Variants in MSANTD3 observed in about 807,000 individuals in gnomAD.
MSANTD3 encodes the protein Myb/SANT DNA binding domain containing 3, also known as myb/SANT-like DNA-binding domain-containing protein 3.
Under a neutral mutation model 27.7 loss-of-function variants are expected in MSANTD3, and 11 were observed. That is an observed-to-expected ratio of 0.40 (90% CI 0.25 to 0.66). The LOEUF (loss-of-function observed/expected upper bound fraction) is 0.66. Among genes scored for constraint, MSANTD3 ranks in the 30% least tolerant of loss-of-function variants. MSANTD3 has a pLI of 0.41. For synonymous variants in MSANTD3, 131 were observed against 127.2 expected (o/e 1.03, Z -0.20); for missense variants, 250 against 336.5 (o/e 0.74, Z 2.01).
chr9:100,443,478 C>T (rs1248194225), intron 2 of MSANTD3, among the ~76,000 whole-genome samples: 2 of 151,968 alleles, frequency 1.3e-5, no homozygotes, highest in Non-Finnish European at 2.9e-5. Context: ...TTAGCATTCA[C>T]CCAGATTAAA....
chr9:100,429,762 G>C (rs1836327141), intron 1 of MSANTD3: 1 of 152,208 alleles, frequency 6.6e-6, no homozygotes, highest in Non-Finnish European at 1.5e-5. Flanking sequence ...GAGTGCAGTG[G>C]CATGATCTCG....
Position 100,450,746 on chromosome 9 carries a change from A to T in MSANTD3, c.608A>T (p.Gln203Leu). The T allele has an allele frequency of 6.2e-7, 1 of 1,614,118 alleles. No homozygotes were observed. Among genetic ancestry groups the T allele is most frequent in the Non-Finnish European group, 8.5e-7 (1 of 1,179,992 alleles). The stretch of plus-strand genomic sequence containing the variant: ...AAGATGCATGAGGAAGAACACCATC[A>T]ACAAATGTCCATCTTACAACTGCAA... ...LKKMHEEEHH[Q>L]QMSILQLQLI... The change falls in exon 3 of 3, where the codon CAA becomes CTA. Residue 203 changes from glutamine (Q) to leucine (L), a missense_variant. By Grantham distance (113) the Gln-to-Leu change is moderately radical. This residue lies in a region of MSANTD3 where 235 missense variants were observed against 299.3 expected (regional missense o/e 0.79). Coordinates refer to ENST00000395067, the MANE Select transcript of MSANTD3 (RefSeq NM_080655.3).
In MSANTD3 at chr9:100,442,265, G is replaced by A; in HGVS notation, c.327G>A (p.Glu109=). ...PLLSTHVLGK[E]KIASMLPEQL... ...TGAGTACCCACGTCCTAGGGAAGGA[G>A]AAGATCGCCAGCATGCTGCCGGAGC... Residue 109 remains glutamate (E), a synonymous_variant, in exon 2 of 3, where the codon GAG becomes GAA. Coordinates refer to ENST00000395067, the MANE Select transcript of MSANTD3 (RefSeq NM_080655.3). 1.2e-6 allele frequency: 2 copies of A among 1,614,174 alleles called. No homozygotes were observed. Among genetic ancestry groups the A allele is most frequent in the Middle Eastern group, 1.6e-4 (1 of 6,062 alleles).
intron 2 of MSANTD3, chr9:100,448,568 T>A: frequency 1.0e-6 from 1 of 985,400 alleles, no homozygotes; most frequent in Non-Finnish European, 1.2e-6. Flanking sequence ...CCACTGCACG[T>A]AATTCACCCC....
chr9:100,449,529 A>C (rs1282682946), intron 2 of MSANTD3, among the ~76,000 whole-genome samples: 2 of 152,208 alleles, frequency 1.3e-5, no homozygotes, highest in African/African-American at 2.4e-5. Context: ...GTGAGGTTAA[A>C]AAAGCGAGAC....
rs780442275 is a variant in MSANTD3, at chr9:100,442,338, C to CCCGT, written c.403_404insTCCG (p.Asp135ValfsTer14). 6.2e-7 allele frequency: 1 copy of CCCGT among 1,612,336 alleles called. No individual in the cohort carries two copies. Among genetic ancestry groups the CCCGT allele is most frequent in the South Asian group, 1.1e-5 (1 of 91,060 alleles). ...CCCGGAGGAGGAGCCCGAATACCAC[C>CCCGT]CCGACGCCTCAGCCCAAGGTATCCG... is the stretch of plus-strand genomic sequence containing the variant. On this transcript the variant is annotated frameshift_variant, in exon 2 of 3. Coordinates refer to ENST00000395067, the MANE Select transcript of MSANTD3 (RefSeq NM_080655.3). LOFTEE classifies it high-confidence loss of function.
chr9:100,445,578 T>C (rs1270758949), intron 2 of MSANTD3, among the ~76,000 whole-genome samples: 1 of 152,228 alleles, frequency 6.6e-6, no homozygotes, highest in Non-Finnish European at 1.5e-5. Flanking sequence ...CTAATGTTGC[T>C]CTGAGGATAT....
At chr9:100,448,915 G>A in intron 2 of MSANTD3, 1 of 984,946 alleles carries the variant, frequency 1.0e-6, no homozygotes, top group African/African-American at 1.7e-5. Flanking sequence ...GACTAGTTAT[G>A]ATTGTTACTT....
intron 1 of MSANTD3, among the ~76,000 whole-genome samples, chr9:100,434,396 G>A (rs1836432131): frequency 6.6e-6 from 1 of 152,124 alleles, no homozygotes; most frequent in Admixed American, 6.6e-5. Context: ...TGAGTGTGGT[G>A]ATGGGTGCCT....
intron 2 of MSANTD3, chr9:100,444,974 T>G (rs1836719298): frequency 4.0e-6 from 2 of 499,416 alleles, no homozygotes; most frequent in South Asian, 3.9e-5. Context: ...TTTTTGCTGG[T>G]GATTATTAAA....
intron 1 of MSANTD3, among the ~76,000 whole-genome samples, chr9:100,440,644 G>A (rs1836592809): frequency 6.7e-6 from 1 of 148,346 alleles, no homozygotes; most frequent in Non-Finnish European, 1.5e-5. Context: ...AGGCTGGAGT[G>A]CGGTGGTGCA....
At position 100,427,221 on chromosome 9, in the gene MSANTD3, C is replaced by T. The variant is rs1836263867; in HGVS notation, c.-206C>T. ...GCGTCCGGGCTTTGTGGCCGCGGCGCGCGCGGCGGGGCCTGGCCGGCCGGG... is the reference window on the plus strand; with the variant it reads ...GCGTCCGGGCTTTGTGGCCGCGGCGTGCGCGGCGGGGCCTGGCCGGCCGGG... On this transcript the variant is annotated 5_prime_UTR_variant, in exon 1 of 3. Transcript: ENST00000395067. 1 of 145,666 alleles carries T rather than the reference C, an allele frequency of 6.9e-6. No individual in the cohort carries two copies. Among genetic ancestry groups the T allele is most frequent in the African/African-American group, 2.5e-5 (1 of 40,722 alleles). The allele number at this position is 145,666 out of a possible 1,614,324, so 9.0% of individuals were successfully genotyped here. A position where few individuals can be genotyped will look rare whatever the true frequency, so the allele number is the denominator to read the frequency against.
intron 2 of MSANTD3, among the ~76,000 whole-genome samples, chr9:100,443,472 C>T (rs899472410): frequency 6.6e-6 from 1 of 151,938 alleles, no homozygotes; most frequent in Non-Finnish European, 1.5e-5. Flanking sequence ...CCTGTTTTAG[C>T]ATTCACCCAG....
At position 100,441,974 on chromosome 9, in the gene MSANTD3, C is replaced by T; in HGVS notation, c.36C>T (p.Tyr12=). The T allele has an allele frequency of 6.2e-7, 1 of 1,613,300 alleles. No homozygotes were observed. Among genetic ancestry groups the T allele is most frequent in the Non-Finnish European group, 8.5e-7 (1 of 1,179,484 alleles). ...QNNEIIKPAK[Y]FSELEKSILL... Reference sequence around the variant, plus strand: ...ACGAAATTATAAAGCCTGCCAAATACTTCTCAGAATTGGAAAAGAGCATCC... The same window carrying T: ...ACGAAATTATAAAGCCTGCCAAATATTTCTCAGAATTGGAAAAGAGCATCC... The change falls in exon 2 of 3, where the codon TAC becomes TAT. Residue 12 remains tyrosine, a synonymous_variant. Transcript: ENST00000395067.
At chr9:100,439,023 A>G (rs920192441) in intron 1 of MSANTD3, among the ~76,000 whole-genome samples, 3 of 152,180 alleles carry the variant, frequency 2.0e-5, no homozygotes, top group African/African-American at 7.2e-5. Context: ...CGAACCTCCC[A>G]GTGTCTGATA....
intron 2 of MSANTD3, among the ~76,000 whole-genome samples, chr9:100,447,067 C>T (rs979195833): frequency 5.3e-5 from 8 of 151,928 alleles, no homozygotes; most frequent in African/African-American, 1.9e-4. Flanking sequence ...AAAGAAAAGC[C>T]CCTTGGCTTT....
chr9:100,438,925 G>A (rs1343012634), intron 1 of MSANTD3, among the ~76,000 whole-genome samples: 1 of 152,144 alleles, frequency 6.6e-6, no homozygotes, highest in Non-Finnish European at 1.5e-5. Context: ...TGGGAATTTA[G>A]CATTATAGGG....
intron 1 of MSANTD3, among the ~76,000 whole-genome samples, chr9:100,438,002 T>C (rs1472377542): frequency 6.6e-6 from 1 of 152,204 alleles, no homozygotes; most frequent in Admixed American, 6.5e-5. Context: ...TGGCCACATG[T>C]AGGGCAAGAA....
At chr9:100,433,317 G>A (rs1018287828) in intron 1 of MSANTD3, among the ~76,000 whole-genome samples, 1 of 152,080 alleles carries the variant, frequency 6.6e-6, no homozygotes, top group South Asian at 2.1e-4. Flanking sequence ...GCAGTGGTAG[G>A]GTTGGGCTTT....
Sources: gnomAD v4.1 joint callset for allele counts (sites outside exome capture counted in the v4.1 genomes callset) on GRCh38, gnomAD v4.1.1 for gene constraint, gnomAD v4.1.1 regional missense constraint, MANE v1.5 for transcripts, NCBI Gene and HGNC (gene_info 2026-07-23, HGNC 2026-07-21) for gene names.